Variants in FANCD2 observed in about 807,000 individuals in gnomAD.
FANCD2 encodes FA complementation group D2, also known as Fanconi anemia group D2 protein.
In FANCD2, 131 loss-of-function variants were observed where a neutral mutation model predicts 192.3. The observed-to-expected ratio is 0.68, with a 90% CI of 0.59 to 0.79. The LOEUF is 0.79. Ranked by LOEUF, FANCD2 falls within the 30% of genes least tolerant of loss-of-function variation. The pLI is 0.00. For synonymous variants in FANCD2, 524 were observed against 612.5 expected (o/e 0.86, Z 2.13); for missense variants, 1,508 against 1,701.6 (o/e 0.89, Z 2.00).
At chr3:10,054,466 TATA>T (rs1246422631) in intron 18 of FANCD2, among the ~76,000 whole-genome samples, 29 of 31,102 alleles carry the variant, frequency 9.3e-4, no homozygotes, top group African/African-American at 1.1e-3. Flanking sequence ...TATATATATA[TATA>T]TATATTTTTT....
rs375619463 is a variant in FANCD2, at chr3:10,036,358, G to A, written c.491+19G>A. On this transcript the variant is annotated intron_variant, in intron 7 of 43. Coordinates refer to ENST00000675286, the MANE Select transcript of FANCD2 (RefSeq NM_001018115.3). ...TTGAAAAGTAAGTGGCGTTATTATG[G>A]AATGTTCAAAGTACCCTGATGTACT... The A allele has an allele frequency of 2.8e-5, 44 of 1,594,390 alleles. 1 individual carries two copies. The highest frequency in any genetic ancestry group is 3.7e-5 in the Non-Finnish European group (43 of 1,162,610).
intron 11 of FANCD2, 86 bp from the exon 12 acceptor site, chr3:10,042,964 C>A: frequency 3.3e-6 from 4 of 1,210,184 alleles, no homozygotes; most frequent in Non-Finnish European, 4.9e-6. Context: ...CTCAGTCTTT[C>A]AGGAGATTGT....
chr3:10,028,300 CAT>C, intron 1 of FANCD2, among the ~76,000 whole-genome samples: 1 of 152,280 alleles, frequency 6.6e-6, no homozygotes, highest in East Asian at 1.9e-4. Context: ...CAGTCCCTAA[CAT>C]ATAGTATTGA....
rs778092384 is a variant in FANCD2 at position 10,034,542 on chromosome 3, T to C, written c.273+6T>C. ...GACACCCTTCCTATCCCAAAGTATGTATTTTTCCCCTGGTATTTTTGCTTG... is the reference window on the plus strand; with the variant it reads ...GACACCCTTCCTATCCCAAAGTATGCATTTTTCCCCTGGTATTTTTGCTTG... On this transcript the variant is annotated splice_donor_region_variant and intron_variant, in intron 4 of 43. Coordinates refer to ENST00000675286, the MANE Select transcript of FANCD2 (RefSeq NM_001018115.3). 1 of 1,607,230 alleles carries C rather than the reference T, an allele frequency of 6.2e-7. No individual in the cohort carries two copies. The highest frequency in any genetic ancestry group is 1.1e-5 in the South Asian group (1 of 90,946).
intron 2 of FANCD2, 23 bp downstream of exon 2, chr3:10,028,744 C>T (rs2086519110): frequency 2.5e-6 from 4 of 1,595,804 alleles, no homozygotes; most frequent in Non-Finnish European, 8.6e-7. Context: ...TCATTTGTTG[C>T]TTTATTTCCT....
At chr3:10,031,670 T>C (rs1021356417) in intron 2 of FANCD2, among the ~76,000 whole-genome samples, 2 of 152,180 alleles carry the variant, frequency 1.3e-5, no homozygotes, top group Non-Finnish European at 2.9e-5. Context: ...TATCTGAGCA[T>C]TGTAGTCAAA....
At chr3:10,061,887 G>A (rs1323901051) in intron 19 of FANCD2, among the ~76,000 whole-genome samples, 2 of 148,286 alleles carry the variant, frequency 1.3e-5, no homozygotes, top group East Asian at 2.0e-4. Context: ...ACCAAACACC[G>A]CATGTTCTCA....
At position 10,039,470 on chromosome 3, in the gene FANCD2, T is replaced by G. The variant is rs1250236480; in HGVS notation, c.570+113T>G. On this transcript the variant is annotated intron_variant, in intron 8 of 43. Coordinates refer to ENST00000675286, the MANE Select transcript of FANCD2 (RefSeq NM_001018115.3). ...AAATTCATACTTTTCCATCCATCCA[T>G]TAGCTTTTTCCAATTTTCATAATTT... 4.8e-6 allele frequency: 5 copies of G among 1,032,978 alleles called. No homozygotes were observed. The East Asian group carries it at 1.0e-4, about 22-fold the overall frequency. The allele number at this position is 1,032,978 out of a possible 1,614,324, so 64.0% of individuals were successfully genotyped here.
rs1391067258 is a variant in FANCD2 at position 10,056,128 on chromosome 3, C to T, written c.1656+3631C>T. ...TCCTCACCTCAGGTGATCCGCCTGC[C>T]TCGGCCTCCCAAAGTGCTAGGACTA... On this transcript the variant is annotated intron_variant, in intron 18 of 43. Transcript: ENST00000675286. Among the ~76,000 whole-genome samples, 4 of 152,230 alleles carry T rather than the reference C, an allele frequency of 2.6e-5. No homozygotes were observed. The East Asian group carries it at 7.7e-4, about 29-fold the overall frequency.
At chr3:10,090,951 T>G (rs1694568506) in intron 37 of FANCD2, among the ~76,000 whole-genome samples, 3 of 152,198 alleles carry the variant, frequency 2.0e-5, no homozygotes, top group African/African-American at 7.2e-5. Flanking sequence ...TCCTGCTAAC[T>G]GGCATGAGGT....
chr3:10,061,999 T>C (rs572571155), intron 19 of FANCD2, 152 bp from the exon 20 acceptor site: 108 of 517,188 alleles, frequency 2.1e-4, no homozygotes, highest in African/African-American at 1.8e-3. Flanking sequence ...GGGATAGCAT[T>C]AGGAGATATA....
chr3:10,036,082 A>ATTTTTTTTTTTTTT (rs781686867), intron 6 of FANCD2, among the ~76,000 whole-genome samples: 1 of 103,868 alleles, frequency 9.6e-6, no homozygotes, highest in African/African-American at 4.6e-5. Context: ...AGAATTATAC[A>ATTTTTTTTTTTTTT]TTTCTTTTTT....
chr3:10,046,154 C>T (rs1284329975), intron 14 of FANCD2, among the ~76,000 whole-genome samples: 2 of 151,240 alleles, frequency 1.3e-5, no homozygotes. Context: ...CCCGGGTTCA[C>T]GCCATTCTCC....
rs780958584 is a variant in FANCD2, at chr3:10,096,288, A to G, written c.4039-38A>G. ...ATAAGAAATGTGAAGGCATGATGAT[A>G]AACTCACAAAAGATGGATGTTATTT... On this transcript the variant is annotated intron_variant, in intron 41 of 43. Coordinates refer to ENST00000675286, the MANE Select transcript of FANCD2 (RefSeq NM_001018115.3). The G allele has an allele frequency of 1.5e-5, 24 of 1,610,276 alleles. No individual in the cohort carries two copies. In the South Asian group the frequency reaches 2.5e-4, roughly 17 times the overall value.
At chr3:10,028,192 A>G (rs2124960229) in intron 1 of FANCD2, among the ~76,000 whole-genome samples, 1 of 152,266 alleles carries the variant, frequency 6.6e-6, no homozygotes, top group South Asian at 2.1e-4. Flanking sequence ...ACATAACTGT[A>G]GTTCAGTACA....
At chr3:10,092,100 A>T in intron 37 of FANCD2, 81 bp from the exon 38 acceptor site, 1 of 992,592 alleles carries the variant, frequency 1.0e-6, no homozygotes, top group East Asian at 2.4e-5. Flanking sequence ...TATGTAATTC[A>T]AGAACTATAT....
intron 1 of FANCD2, among the ~76,000 whole-genome samples, chr3:10,028,069 A>T (rs1157782626): frequency 7.8e-6 from 1 of 128,462 alleles, no homozygotes; most frequent in South Asian, 2.5e-4. Flanking sequence ...AAAAAAAAAA[A>T]TTCAAGGAGA....
intron 18 of FANCD2, among the ~76,000 whole-genome samples, chr3:10,055,825 TAATAAATAAATA>T (rs544399792): frequency 5.1e-4 from 77 of 151,774 alleles, no homozygotes; most frequent in Non-Finnish European, 8.4e-4. Context: ...AAAAAAATAA[TAATAAATAAATA>T]AATAAATAAA....
At chr3:10,057,939 T>C (rs926069409) in intron 18 of FANCD2, 13 of 299,354 alleles carry the variant, frequency 4.3e-5, no homozygotes, top group East Asian at 8.7e-5. Flanking sequence ...TCATGAGATA[T>C]TTGTTTTGTA....
Sources: gnomAD v4.1 joint callset for allele counts (sites outside exome capture counted in the v4.1 genomes callset) on GRCh38, gnomAD v4.1.1 for gene constraint, MANE v1.5 for transcripts, NCBI Gene and HGNC (gene_info 2026-07-23, HGNC 2026-07-21) for gene names.